The following MAPT variants were observed in gnomAD, a reference collection of about 807,000 sequenced individuals.
MAPT encodes the protein microtubule-associated protein tau.
A neutral mutation model predicts 67.9 loss-of-function variants in MAPT; 34 were observed. The ratio of observed to expected loss-of-function variants is 0.50; its 90% confidence interval spans 0.38 to 0.67. MAPT has a LOEUF of 0.67. MAPT is among the 30% of genes least tolerant of loss of function. The pLI, the probability that MAPT is intolerant of heterozygous loss-of-function variation, is 0.00. For missense variants in MAPT, 881 were observed against 1,115.2 expected (o/e 0.79, Z 2.99); for synonymous variants, 456 against 464.5 (o/e 0.98, Z 0.23).
At chr17:45,928,835 A>G (rs544395935) in intron 1 of MAPT, among the ~76,000 whole-genome samples, 2 of 152,252 alleles carry the variant, frequency 1.3e-5, no homozygotes, top group Admixed American at 6.5e-5. Flanking sequence ...GGCTGGAACT[A>G]CAAGTGCTCG....
chr17:45,962,386 A>T lies in MAPT; in HGVS notation c.49A>T (p.Thr17Ser), dbSNP rs765496574. Residue 17 changes from threonine (T) to serine (S), a missense_variant, in exon 2 of 13, where the codon ACG (threonine) becomes TCG (serine). By Grantham distance (58) the Thr-to-Ser change is moderately conservative. This residue lies in a region of MAPT where 687 missense variants were observed against 766.1 expected (regional missense o/e 0.90). Transcript: ENST00000262410. ...CGAAGTGATGGAAGATCACGCTGGG[A>T]CGTACGGGTTGGGGGACAGGAAAGA... ...EFEVMEDHAG[T>S]YGLGDRKDQG... is the part of the protein sequence containing the mutation. 1.2e-6 allele frequency: 2 copies of T among 1,612,526 alleles called. No homozygotes were observed. Among genetic ancestry groups the T allele is most frequent in the Non-Finnish European group, 1.7e-6 (2 of 1,179,872 alleles).
chr17:45,903,857 A>ATATATTTATATATTATATATT, intron 1 of MAPT, among the ~76,000 whole-genome samples: 1 of 37,304 alleles, frequency 2.7e-5, no homozygotes, highest in South Asian at 7.0e-4. Context: ...ATTATATATT[A>ATATATTTATATATTATATATT]TATATATTAT....
intron 1 of MAPT, among the ~76,000 whole-genome samples, chr17:45,942,517 C>T (rs1477436114): frequency 1.3e-5 from 2 of 152,230 alleles, no homozygotes; most frequent in Non-Finnish European, 2.9e-5. Flanking sequence ...CACAGTCTTT[C>T]TTTTGCTTCC....
intron 1 of MAPT, among the ~76,000 whole-genome samples, chr17:45,928,002 GAAAAAAAAAAAAA>G (rs35954789): frequency 1.8e-5 from 1 of 55,190 alleles, no homozygotes; most frequent in African/African-American, 7.5e-5. Context: ...TCCGTCTCAG[GAAAAAAAAAAAAA>G]AAAAAAAAAA....
chr17:45,978,266 CTTT>C (rs2072582676), intron 3 of MAPT, 106 bp from the exon 4 acceptor site: 2 of 876,876 alleles, frequency 2.3e-6, no homozygotes, highest in Non-Finnish European at 3.9e-6. Context: ...TGGGATGTGA[CTTT>C]CCTGAATGTT....
chr17:45,955,660 G>A (rs913259819), intron 1 of MAPT, among the ~76,000 whole-genome samples: 3 of 152,178 alleles, frequency 2.0e-5, no homozygotes, highest in Admixed American at 2.0e-4. Context: ...TGGGCGTGCT[G>A]GGAGCCACCT....
rs2065095508 is a variant in MAPT at position 45,915,198 on chromosome 17, G to A, written c.-18+20512G>A. On this transcript the variant is annotated intron_variant, in intron 1 of 12. Transcript: ENST00000262410. This position sits in a 1 kb window ranked among gnomAD's most constrained non-coding sequence, Gnocchi z 4.4. ...CCTAACCCTGTCATGTTAGAGACTG[G>A]AGTGCGTGTGTGTGCGCGCAAAGTG... 6.6e-6 allele frequency among the ~76,000 whole-genome samples: 1 copy of A among 152,130 alleles called. No homozygotes were observed. The highest frequency in any genetic ancestry group is 2.4e-5 in the African/African-American group (1 of 41,428).
chr17:45,963,935 T>C (rs2070740414), intron 2 of MAPT, among the ~76,000 whole-genome samples: 1 of 151,980 alleles, frequency 6.6e-6, no homozygotes, highest in African/African-American at 2.4e-5. Flanking sequence ...GCAGGTGGGT[T>C]GGGGGTAGGT....
intron 1 of MAPT, among the ~76,000 whole-genome samples, chr17:45,961,940 A>C (rs1480295640): frequency 1.3e-5 from 2 of 151,630 alleles, no homozygotes; most frequent in Non-Finnish European, 2.9e-5. Context: ...ATGCCTGGCT[A>C]ATTATTGTAT....
At chr17:45,946,615 A>AAAAAAAAAAAAATATATATATAT in intron 1 of MAPT, among the ~76,000 whole-genome samples, 142 of 100,194 alleles carry the variant, frequency 1.4e-3, no homozygotes, top group Non-Finnish European at 2.3e-3. Flanking sequence ...AAAAAAAAAA[A>AAAAAAAAAAAAATATATATATAT]ATATATATAT....
rs1444964476 is a variant in MAPT at position 45,996,093 on chromosome 17, C to T, written c.1733-306C>T. 2.6e-5 allele frequency among the ~76,000 whole-genome samples: 4 copies of T among 152,160 alleles called. No homozygotes were observed. The highest frequency in any genetic ancestry group is 5.9e-5 in the Non-Finnish European group (4 of 68,034). On this transcript the variant is annotated intron_variant, in intron 8 of 12. Coordinates refer to ENST00000262410, the MANE Select transcript of MAPT (RefSeq NM_001377265.1). The surrounding 1 kb of genome is among the most constrained non-coding windows in gnomAD (Gnocchi z 4.5). ...CTGAGGCCACACAGCTTGTTGGAGCCCATCTCTTGACCCAAAGACTGTGGA... is the reference window on the plus strand; with the variant it reads ...CTGAGGCCACACAGCTTGTTGGAGCTCATCTCTTGACCCAAAGACTGTGGA...
chr17:45,899,928 A>G (rs2063508578), intron 1 of MAPT, among the ~76,000 whole-genome samples: 1 of 152,170 alleles, frequency 6.6e-6, no homozygotes, highest in African/African-American at 2.4e-5. Context: ...TGATTGACCC[A>G]GGGAAGGCTG....
chr17:45,949,573 C>T (rs1001249568), intron 1 of MAPT, among the ~76,000 whole-genome samples: 7 of 152,186 alleles, frequency 4.6e-5, no homozygotes, highest in South Asian at 2.1e-4. Context: ...GGTTTCTGAA[C>T]GTCTCTGAGC....
chr17:45,906,758 T>G lies in MAPT; in HGVS notation c.-18+12072T>G, dbSNP rs139551163. Among the ~76,000 whole-genome samples, 280 of 152,186 alleles carry G rather than the reference T, an allele frequency of 1.8e-3. No homozygotes were observed. The highest frequency in any genetic ancestry group is 0.017 in the Middle Eastern group (5 of 294). On this transcript the variant is annotated intron_variant, in intron 1 of 12. Coordinates refer to ENST00000262410, the MANE Select transcript of MAPT (RefSeq NM_001377265.1). This position sits in a 1 kb window ranked among gnomAD's most constrained non-coding sequence, Gnocchi z 4.3. ...CCCCATTACCACCTGGTCTGTGCAC[T>G]TCGGTCACTGGAATTTGCCATCTTC...
intron 9 of MAPT, among the ~76,000 whole-genome samples, chr17:46,002,241 C>T (rs913767164): frequency 1.3e-5 from 2 of 152,038 alleles, no homozygotes; most frequent in Non-Finnish European, 2.9e-5. Flanking sequence ...TGGCAGTGGC[C>T]GTGGGAGTGC....
chr17:46,003,430 C>T (rs958405883), intron 9 of MAPT, among the ~76,000 whole-genome samples: 1 of 152,060 alleles, frequency 6.6e-6, no homozygotes, highest in African/African-American at 2.4e-5. Context: ...AAGCACACAC[C>T]ACCATGCCTA....
Position 46,028,013 on chromosome 17 carries a change from C to CCAT in MAPT, c.*3844_*3846dup, listed in dbSNP as rs374643022. 4 of 155,600 alleles carry CCAT rather than the reference C, an allele frequency of 2.6e-5. No homozygotes were observed. The highest frequency in any genetic ancestry group is 2.0e-4 in the Admixed American group (3 of 15,340). 9.6% of individuals were successfully genotyped at this position (155,600 alleles called of 1,614,324 possible). A position where few individuals can be genotyped will look rare whatever the true frequency, so the allele number is the denominator to read the frequency against. ...GGGCAGAGGTGATCACCTGCGTGTC[C>CCAT]CATCTACAGACCTGCAGCTTCATAA... On this transcript the variant is annotated 3_prime_UTR_variant, in exon 13 of 13. Coordinates refer to ENST00000262410, the MANE Select transcript of MAPT (RefSeq NM_001377265.1).
Position 45,901,624 on chromosome 17 carries a change from G to A in MAPT, c.-18+6938G>A, listed in dbSNP as rs57126844. 3.5e-3 allele frequency among the ~76,000 whole-genome samples: 533 copies of A among 152,276 alleles called. 5 individuals are homozygous for A. The highest frequency in any genetic ancestry group is 0.012 in the African/African-American group (512 of 41,542). On this transcript the variant is annotated intron_variant, in intron 1 of 12. Transcript: ENST00000262410. ...TTCTTATCGCTTAAATCAAGACTAAGTAACAATATATCAGTTTTAAAAAGT... is the reference window on the plus strand; with the variant it reads ...TTCTTATCGCTTAAATCAAGACTAAATAACAATATATCAGTTTTAAAAAGT...
At chr17:45,900,052 G>A (rs1412660693) in intron 1 of MAPT, among the ~76,000 whole-genome samples, 1 of 152,166 alleles carries the variant, frequency 6.6e-6, no homozygotes, top group African/African-American at 2.4e-5. Context: ...AGGTGAAAGC[G>A]TTGGCGCCCA....
Sources: gnomAD v4.1 joint callset for allele counts (sites outside exome capture counted in the v4.1 genomes callset) on GRCh38, gnomAD v4.1.1 for gene constraint, gnomAD v4.1.1 regional missense constraint, Gnocchi (gnomAD v3.1) non-coding constraint, MANE v1.5 for transcripts, NCBI Gene and HGNC (gene_info 2026-07-23, HGNC 2026-07-21) for gene names.